SGSM1: variants seen among roughly 807,000 people sequenced by gnomAD.
SGSM1 encodes RUN and TBC1 domain containing 2.
SGSM1 carries 73 observed loss-of-function variants against 133.8 expected under a neutral mutation model. The ratio of observed to expected loss-of-function variants is 0.55; its 90% CI spans 0.45 to 0.66. The LOEUF (loss-of-function observed/expected upper bound fraction) is 0.66, where lower values mean the gene tolerates loss of function less well. Ranked by LOEUF, SGSM1 falls within the 30% of genes least tolerant of loss-of-function variation. The probability of loss-of-function intolerance (pLI) is 0.00; values close to 1 mark genes in which losing one functional copy is unlikely to be tolerated. For missense variants in SGSM1, 1,213 were observed against 1,448.1 expected, an observed-to-expected ratio of 0.84 and a Z score of 2.64; for synonymous variants, 563 against 573.0, an observed-to-expected ratio of 0.98 and a Z score of 0.25.
chr22:24,896,637 T>TC (rs912464016), intron 18 of SGSM1, among the ~76,000 whole-genome samples: 1 of 151,932 alleles, frequency 6.6e-6, no homozygotes, highest in East Asian at 1.9e-4. Context: ...GTTTTTTTTT[T>TC]TTTGCCTTTT....
At chr22:24,816,830 GTGT>G (rs1928115362) in intron 2 of SGSM1, among the ~76,000 whole-genome samples, 1 of 152,202 alleles carries the variant, frequency 6.6e-6, no homozygotes, top group Admixed American at 6.5e-5. Flanking sequence ...GGGAGGTAGA[GTGT>G]TGCCCAGCAG....
At chr22:24,920,061 G>T in intron 24 of SGSM1, 68 bp downstream of exon 24, 5 of 1,496,226 alleles carry the variant, frequency 3.3e-6, no homozygotes, top group Non-Finnish European at 4.5e-6. Flanking sequence ...GGCATCTCAG[G>T]AGGAATGAAG....
At chr22:24,817,010 G>C (rs2147787115) in intron 2 of SGSM1, among the ~76,000 whole-genome samples, 1 of 152,328 alleles carries the variant, frequency 6.6e-6, no homozygotes, top group South Asian at 2.1e-4. Flanking sequence ...TGGTCATGGG[G>C]GGGTGAGGGG....
chr22:24,846,186 G>A (rs192814839), intron 3 of SGSM1, among the ~76,000 whole-genome samples: 2 of 151,426 alleles, frequency 1.3e-5, no homozygotes, highest in African/African-American at 4.9e-5. Flanking sequence ...CCACAAGTAT[G>A]TGCCACCATA....
At chr22:24,829,544 C>T (rs1309132951) in intron 2 of SGSM1, among the ~76,000 whole-genome samples, 5 of 152,178 alleles carry the variant, frequency 3.3e-5, no homozygotes, top group African/African-American at 1.2e-4. Flanking sequence ...TCTTTAAAAG[C>T]ACATGTTCAA....
chr22:24,890,762 T>C (rs1043498721), intron 16 of SGSM1, among the ~76,000 whole-genome samples: 8 of 152,088 alleles, frequency 5.3e-5, no homozygotes, highest in African/African-American at 1.7e-4. Flanking sequence ...CAGGCTGGTC[T>C]TGAACTTCTG....
intron 24 of SGSM1, among the ~76,000 whole-genome samples, chr22:24,921,373 T>C (rs976384532): frequency 2.0e-5 from 3 of 152,210 alleles, no homozygotes; most frequent in African/African-American, 7.2e-5. Flanking sequence ...GTGCTGGGAT[T>C]ATAGGTGTGA....
At chr22:24,859,651 G>GC in intron 8 of SGSM1, 65 bp from the exon 9 acceptor site, 6 of 1,605,674 alleles carry the variant, frequency 3.7e-6, no homozygotes, top group Middle Eastern at 1.7e-4. Flanking sequence ...AATCAAACGG[G>GC]CCAGGACCTA....
intron 2 of SGSM1, among the ~76,000 whole-genome samples, chr22:24,841,049 A>G (rs898577100): frequency 1.3e-5 from 2 of 151,792 alleles, no homozygotes; most frequent in African/African-American, 2.4e-5. Context: ...ACGGGGTTTC[A>G]CCGTGTTAGC....
In SGSM1 at chr22:24,914,934, T is replaced by TAAA. The variant is rs537842880; in HGVS notation, c.2928+2183_2928+2185dup. On this transcript the variant is annotated intron_variant, in intron 22 of 24. Coordinates refer to ENST00000400358, the MANE Select transcript of SGSM1 (RefSeq NM_001098497.3). ...TTTGGGGTTTTGTTTTTGGCCTTTA[T>TAAA]AAACAGTGCTGCGGCCGGGCACGGT... Among the ~76,000 whole-genome samples the TAAA allele has an allele frequency of 4.9e-3, 750 of 152,254 alleles. 8 individuals carry two copies. The highest frequency in any genetic ancestry group is 0.016 in the African/African-American group (669 of 41,548).
intron 23 of SGSM1, among the ~76,000 whole-genome samples, chr22:24,917,991 A>T (rs1933877947): frequency 6.6e-6 from 1 of 152,180 alleles, no homozygotes; most frequent in Non-Finnish European, 1.5e-5. Context: ...AGAAGGGTTA[A>T]GTTCAGAGCT....
At chr22:24,879,790 A>G (rs1228603745) in intron 14 of SGSM1, among the ~76,000 whole-genome samples, 14 of 152,118 alleles carry the variant, frequency 9.2e-5, no homozygotes, top group African/African-American at 3.4e-4. Context: ...TTTAATCACC[A>G]CTGCATCCCC....
chr22:24,867,890 T>C (rs1003111183), intron 10 of SGSM1, among the ~76,000 whole-genome samples: 1 of 152,260 alleles, frequency 6.6e-6, no homozygotes, highest in African/African-American at 2.4e-5. Flanking sequence ...ATTTGTAAAA[T>C]AGGCAATAAT....
chr22:24,898,470 G>T lies in SGSM1; in HGVS notation c.2521G>T (p.Glu841Ter). ...EDNLSEEPEM[E>*]SLFPALASLA... ...CAACCTCTCGGAGGAGCCTGAGATGGAAAGTCTCTTCCCTGCCCTGGCTTC... is the reference window on the plus strand; with the variant it reads ...CAACCTCTCGGAGGAGCCTGAGATGTAAAGTCTCTTCCCTGCCCTGGCTTC... The change falls in exon 19 of 25, where the codon GAA (glutamate) becomes TAA (stop). Residue 841 changes from glutamate (E) to a stop codon, truncating the protein, a stop_gained. Coordinates refer to ENST00000400358, the MANE Select transcript of SGSM1 (RefSeq NM_001098497.3). LOFTEE classifies it high-confidence loss of function. 1 of 1,613,884 alleles carries T rather than the reference G, an allele frequency of 6.2e-7. No homozygotes were observed. Among genetic ancestry groups the T allele is most frequent in the South Asian group, 1.1e-5 (1 of 91,072 alleles).
intron 12 of SGSM1, among the ~76,000 whole-genome samples, chr22:24,870,299 T>C (rs1226950166): frequency 6.6e-6 from 1 of 152,198 alleles, no homozygotes; most frequent in African/African-American, 2.4e-5. Context: ...CCCTGGGATG[T>C]TGAGCCAGCG....
intron 2 of SGSM1, among the ~76,000 whole-genome samples, chr22:24,840,135 G>A (rs952663857): frequency 6.6e-6 from 1 of 151,618 alleles, no homozygotes; most frequent in East Asian, 1.9e-4. Context: ...TAGTAGAGAC[G>A]GGGTTTCACT....
intron 9 of SGSM1, among the ~76,000 whole-genome samples, chr22:24,861,053 G>A (rs1313406456): frequency 6.7e-6 from 1 of 149,936 alleles, no homozygotes; most frequent in Non-Finnish European, 1.5e-5. Context: ...AGGCCTTGGA[G>A]TGATGAAAAG....
At chr22:24,917,812 G>T in intron 23 of SGSM1, 58 bp downstream of exon 23, 1 of 1,459,330 alleles carries the variant, frequency 6.9e-7, no homozygotes. Flanking sequence ...ACTTTCAGGG[G>T]AAAAGATCCC....
chr22:24,891,924 T>C (rs1289726042), intron 16 of SGSM1, among the ~76,000 whole-genome samples: 1 of 151,788 alleles, frequency 6.6e-6, no homozygotes, highest in Non-Finnish European at 1.5e-5. Context: ...TGTGTCCGAA[T>C]GGGTTTAGGG....
Sources: gnomAD v4.1 joint callset for allele counts (sites outside exome capture counted in the v4.1 genomes callset) on GRCh38, gnomAD v4.1.1 for gene constraint, MANE v1.5 for transcripts, NCBI Gene and HGNC (gene_info 2026-07-23, HGNC 2026-07-21) for gene names.